The following SYN3 variants were observed in gnomAD, a reference collection of about 807,000 sequenced individuals.
SYN3 encodes synapsin-3.
In SYN3, 35 loss-of-function variants were observed where a neutral mutation model predicts 65.8. That is an observed-to-expected ratio of 0.53 (90% CI 0.41 to 0.70). SYN3 has a LOEUF of 0.70. SYN3 is among the 30% of genes least tolerant of loss of function. The probability of loss-of-function intolerance (pLI) is 0.00; values close to 1 mark genes in which losing one functional copy is unlikely to be tolerated. For synonymous variants in SYN3, 270 were observed against 292.9 expected (o/e 0.92, Z 0.80); for missense variants, 680 against 749.0 (o/e 0.91, Z 1.08).
chr22:33,027,004 T>G (rs1352956612), intron 1 of SYN3, among the ~76,000 whole-genome samples: 1 of 152,170 alleles, frequency 6.6e-6, no homozygotes, highest in Admixed American at 6.5e-5. Context: ...CCTTCTTTAT[T>G]TTCCTCCTTC....
intron 4 of SYN3, among the ~76,000 whole-genome samples, chr22:32,869,515 T>G (rs942375863): frequency 2.0e-5 from 3 of 151,888 alleles, no homozygotes; most frequent in Non-Finnish European, 4.4e-5. Flanking sequence ...ACAACTGCCC[T>G]AGGAGGTGAG....
At chr22:32,907,729 TA>T (rs2049940280) in intron 4 of SYN3, among the ~76,000 whole-genome samples, 1 of 152,164 alleles carries the variant, frequency 6.6e-6, no homozygotes, top group Non-Finnish European at 1.5e-5. Flanking sequence ...AAGAAAATAC[TA>T]AAAACCTTGC....
chr22:32,838,403 G>A lies in SYN3; in HGVS notation c.711+26512C>T, dbSNP rs181215892. 3.3e-5 allele frequency among the ~76,000 whole-genome samples: 5 copies of A among 152,330 alleles called. No individual in the cohort carries two copies. The East Asian group carries it at 9.7e-4, about 29-fold the overall frequency. On this transcript the variant is annotated intron_variant, in intron 6 of 13. Coordinates refer to ENST00000358763, the MANE Select transcript of SYN3 (RefSeq NM_003490.4). ...GGAAGAGGGGCAGCTGGAGGCCAGA[G>A]GGCCTGCAGAGGAGTCAGCAGGTCT...
In SYN3 at chr22:32,729,415, T is replaced by C. The variant is rs1431345898; in HGVS notation, c.712-132679A>G. Among the ~76,000 whole-genome samples, 2 of 152,210 alleles carry C rather than the reference T, an allele frequency of 1.3e-5. 1 individual carries two copies. Among genetic ancestry groups the C allele is most frequent in the Non-Finnish European group, 2.9e-5 (2 of 68,040 alleles). The stretch of plus-strand genomic sequence containing the variant: ...AGTGGGAGAGGAAGAAGGGGGCTGA[T>C]ACCCACACATAATTACAGCTGGTCA... On this transcript the variant is annotated intron_variant, in intron 6 of 13. Transcript: ENST00000358763.
At chr22:32,706,490 T>C (rs2060882499) in intron 6 of SYN3, among the ~76,000 whole-genome samples, 1 of 152,090 alleles carries the variant, frequency 6.6e-6, no homozygotes, top group Admixed American at 6.6e-5. Flanking sequence ...TAAGAAAAAA[T>C]GAAGACTTTT....
At chr22:33,040,452 T>G (rs1036202960) in intron 1 of SYN3, among the ~76,000 whole-genome samples, 11 of 152,224 alleles carry the variant, frequency 7.2e-5, no homozygotes, top group African/African-American at 2.4e-4. Flanking sequence ...CTGCTCTCCA[T>G]GCATCCAATT....
intron 4 of SYN3, among the ~76,000 whole-genome samples, chr22:32,899,228 C>T (rs1207653829): frequency 3.9e-5 from 6 of 152,216 alleles, no homozygotes; most frequent in Non-Finnish European, 7.3e-5. Flanking sequence ...GGTTCACAAA[C>T]GGCAGCTCCC....
At chr22:32,777,103 C>T (rs1056706527) in intron 6 of SYN3, among the ~76,000 whole-genome samples, 3 of 152,192 alleles carry the variant, frequency 2.0e-5, no homozygotes, top group Non-Finnish European at 2.9e-5. Flanking sequence ...AAATTCAGAA[C>T]CAGTTCCTCC....
chr22:32,832,274 A>G (rs543744690), intron 6 of SYN3, among the ~76,000 whole-genome samples: 1 of 151,860 alleles, frequency 6.6e-6, no homozygotes, highest in East Asian at 1.9e-4. Context: ...GGACCACTAC[A>G]ACGAAGAGAA....
chr22:32,802,012 G>A, intron 6 of SYN3: 1 of 1,580,238 alleles, frequency 6.3e-7, no homozygotes, highest in Non-Finnish European at 8.6e-7. Context: ...ATGACCCCTT[G>A]GCTCGGGCTC....
At chr22:32,810,289 C>T in intron 6 of SYN3, among the ~76,000 whole-genome samples, 1 of 152,164 alleles carries the variant, frequency 6.6e-6, no homozygotes, top group East Asian at 1.9e-4. Context: ...GCTTTGCTGT[C>T]ACAGAAGGGA....
Position 32,515,200 on chromosome 22 carries a change from C to G in SYN3, c.1611-1376G>C, listed in dbSNP as rs192321898. ...AGTCAGGAAATTTATGTGTTTTTAG[C>G]TAGAACACTGTAAGGTCAGTGACCA... is the stretch of plus-strand genomic sequence containing the variant. On this transcript the variant is annotated intron_variant, in intron 13 of 13. Coordinates refer to ENST00000358763, the MANE Select transcript of SYN3 (RefSeq NM_003490.4). Among the ~76,000 whole-genome samples the G allele has an allele frequency of 2.6e-3, 389 of 152,272 alleles. 1 individual carries two copies. Among genetic ancestry groups the G allele is most frequent in the African/African-American group, 9.1e-3 (377 of 41,556 alleles).
intron 6 of SYN3, among the ~76,000 whole-genome samples, chr22:32,708,680 C>T (rs2060913030): frequency 1.3e-5 from 2 of 152,182 alleles, no homozygotes; most frequent in Non-Finnish European, 2.9e-5. Context: ...TCTGGGGTCC[C>T]CTCTGGTCTT....
chr22:32,692,155 C>CAAAAAAAAAAAAAAA (rs1188224009), intron 6 of SYN3, among the ~76,000 whole-genome samples: 2 of 34,494 alleles, frequency 5.8e-5, no homozygotes, highest in African/African-American at 1.9e-4. Flanking sequence ...GACAAAAAGA[C>CAAAAAAAAAAAAAAA]AAAAAAAAAA....
intron 12 of SYN3, among the ~76,000 whole-genome samples, chr22:32,518,903 A>G (rs1372012201): frequency 6.6e-6 from 1 of 152,190 alleles, no homozygotes; most frequent in Non-Finnish European, 1.5e-5. Context: ...AGGTAATTAA[A>G]GTTAAATGAG....
intron 6 of SYN3, among the ~76,000 whole-genome samples, chr22:32,787,323 C>T (rs948014820): frequency 2.0e-5 from 3 of 152,202 alleles, no homozygotes; most frequent in Non-Finnish European, 4.4e-5. Flanking sequence ...GCTGGGATTA[C>T]AGGCGTGAGC....
chr22:32,608,834 G>A (rs1386701915), intron 6 of SYN3, among the ~76,000 whole-genome samples: 2 of 152,052 alleles, frequency 1.3e-5, no homozygotes, highest in Admixed American at 1.3e-4. Context: ...ACATGTTATA[G>A]GTATCTGGAT....
chr22:33,022,847 C>T (rs951480773), intron 1 of SYN3, among the ~76,000 whole-genome samples: 1 of 152,164 alleles, frequency 6.6e-6, no homozygotes, highest in African/African-American at 2.4e-5. Flanking sequence ...GAACACTTAC[C>T]TTTAGCAAAT....
chr22:33,037,336 A>G (rs1180744574), intron 1 of SYN3, among the ~76,000 whole-genome samples: 1 of 152,148 alleles, frequency 6.6e-6, no homozygotes, highest in Non-Finnish European at 1.5e-5. Flanking sequence ...CTTTCTCCCC[A>G]TACAACCTAC....
Sources: allele counts gnomAD v4.1 joint callset (sites outside exome capture counted in the v4.1 genomes callset), GRCh38; gene constraint gnomAD v4.1.1; transcripts MANE v1.5; gene names NCBI Gene and HGNC (gene_info 2026-07-23, HGNC 2026-07-21).